Variants in HMCN1 observed in about 807,000 individuals in gnomAD.
HMCN1 encodes the protein hemicentin-1.
Under a neutral mutation model 625.9 loss-of-function variants are expected in HMCN1, and 321 were observed. The ratio of observed to expected loss-of-function variants is 0.51; its 90% CI spans 0.47 to 0.56. The LOEUF (loss-of-function observed/expected upper bound fraction) is 0.56, where lower values mean the gene tolerates loss of function less well. Ranked by LOEUF, HMCN1 falls within the 20% of genes least tolerant of loss-of-function variation. The probability of loss-of-function intolerance (pLI) is 0.00; values close to 1 mark genes in which losing one functional copy is unlikely to be tolerated. For synonymous variants in HMCN1, 2,425 were observed against 2,417.6 expected (o/e 1.00, Z -0.09); for missense variants, 6,588 against 6,887.3 (o/e 0.96, Z 1.54).
At chr1:186,048,462 C>A (rs1656723886) in intron 41 of HMCN1, among the ~76,000 whole-genome samples, 1 of 151,962 alleles carries the variant, frequency 6.6e-6, no homozygotes, top group South Asian at 2.1e-4. Context: ...AGAAATTGTA[C>A]CTTTTCGTTT....
intron 1 of HMCN1, among the ~76,000 whole-genome samples, chr1:185,743,737 T>C (rs923265579): frequency 5.9e-5 from 9 of 152,178 alleles, no homozygotes; most frequent in Non-Finnish European, 8.8e-5. Flanking sequence ...ATGTCAACTA[T>C]CAGATGTGAT....
intron 4 of HMCN1, among the ~76,000 whole-genome samples, chr1:185,887,615 T>C (rs1664753996): frequency 6.7e-6 from 1 of 149,732 alleles, no homozygotes; most frequent in Admixed American, 6.6e-5. Context: ...ATTTCATCCA[T>C]GTCCCTACAA....
chr1:186,056,591 G>A (rs140491523), intron 45 of HMCN1, among the ~76,000 whole-genome samples: 106 of 152,042 alleles, frequency 7.0e-4, no homozygotes, highest in South Asian at 1.7e-3. Flanking sequence ...CATGTCCTTT[G>A]CAGCAACATG....
intron 4 of HMCN1, among the ~76,000 whole-genome samples, chr1:185,867,882 A>G (rs972449799): frequency 1.3e-5 from 2 of 152,122 alleles, no homozygotes; most frequent in Admixed American, 1.3e-4. Flanking sequence ...CAGCCTGGCC[A>G]ACATGGTGAA....
At chr1:185,946,464 A>G (rs969333025) in intron 11 of HMCN1, among the ~76,000 whole-genome samples, 1 of 152,202 alleles carries the variant, frequency 6.6e-6, no homozygotes, top group South Asian at 2.1e-4. Flanking sequence ...GGTGCTAATT[A>G]TGATTTGCCA....
At chr1:186,119,449 C>G in intron 78 of HMCN1, 151 bp downstream of exon 78, 1 of 730,498 alleles carries the variant, frequency 1.4e-6, no homozygotes. Context: ...TTTTAATAGG[C>G]TAAAAAAGGC....
chr1:186,010,655 A>G (rs1384272150), intron 30 of HMCN1, among the ~76,000 whole-genome samples: 1 of 152,236 alleles, frequency 6.6e-6, no homozygotes, highest in Non-Finnish European at 1.5e-5. Context: ...GATATAAATA[A>G]TCTCAATCAA....
At chr1:185,875,920 TA>T (rs1364381295) in intron 4 of HMCN1, among the ~76,000 whole-genome samples, 1 of 152,096 alleles carries the variant, frequency 6.6e-6, no homozygotes, top group African/African-American at 2.4e-5. Flanking sequence ...TATCCTACTT[TA>T]TTTTTTAATT....
In HMCN1 at chr1:185,738,209, G is replaced by A. The variant is rs142844357; in HGVS notation, c.268+3162G>A. On this transcript the variant is annotated intron_variant, in intron 1 of 106. Coordinates refer to ENST00000271588, the MANE Select transcript of HMCN1 (RefSeq NM_031935.3). ...AAAGTGTACAATTTGATGCTTTTCA[G>A]TATATTCACAGATAGGTGCAAATGT... Among the ~76,000 whole-genome samples the A allele has an allele frequency of 6.6e-3, 1,011 of 152,248 alleles. 8 individuals carry two copies. The highest frequency in any genetic ancestry group is 0.027 in the Middle Eastern group (8 of 294).
chr1:185,904,541 A>T (rs1665989137), intron 4 of HMCN1, among the ~76,000 whole-genome samples: 1 of 151,820 alleles, frequency 6.6e-6, no homozygotes, highest in South Asian at 2.1e-4. Context: ...TTTGTTTTTC[A>T]CTAGATATTA....
chr1:185,810,206 T>C (rs1029796448), intron 1 of HMCN1, among the ~76,000 whole-genome samples: 10 of 152,154 alleles, frequency 6.6e-5, no homozygotes, highest in Non-Finnish European at 1.0e-4. Context: ...GTCTCTTTCA[T>C]CTGTCATTTT....
At chr1:185,794,339 T>G (rs1265430877) in intron 1 of HMCN1, among the ~76,000 whole-genome samples, 1 of 140,464 alleles carries the variant, frequency 7.1e-6, no homozygotes, top group Non-Finnish European at 1.5e-5. Flanking sequence ...ACTAAGAGGA[T>G]AGATTATATA....
intron 2 of HMCN1, among the ~76,000 whole-genome samples, chr1:185,859,046 TG>T: frequency 6.7e-6 from 1 of 150,366 alleles, no homozygotes; most frequent in Admixed American, 6.6e-5. Context: ...TGTGTGTGTG[TG>T]TGTGTGTGTG....
At chr1:185,773,890 T>G (rs1656418038) in intron 1 of HMCN1, among the ~76,000 whole-genome samples, 1 of 152,084 alleles carries the variant, frequency 6.6e-6, no homozygotes, top group Non-Finnish European at 1.5e-5. Context: ...AATCAGAGCT[T>G]GGAGAGCAAG....
intron 1 of HMCN1, among the ~76,000 whole-genome samples, chr1:185,757,916 C>G (rs1290464325): frequency 6.6e-6 from 1 of 152,132 alleles, no homozygotes; most frequent in Non-Finnish European, 1.5e-5. Context: ...CATAGATACT[C>G]TTATATATCC....
intron 1 of HMCN1, among the ~76,000 whole-genome samples, chr1:185,745,115 G>C (rs201236285): frequency 6.6e-6 from 1 of 152,194 alleles, no homozygotes; most frequent in East Asian, 1.9e-4. Context: ...GAAGAGAAAA[G>C]ATATGCAAAG....
At chr1:185,987,411 A>C (rs754676745) in intron 19 of HMCN1, 21 bp from the exon 20 acceptor site, 2 of 1,508,020 alleles carry the variant, frequency 1.3e-6, no homozygotes, top group Admixed American at 1.7e-5. Flanking sequence ...CTCAGATTCC[A>C]AATCCTACTT....
Position 185,923,370 on chromosome 1 carries a change from A to G in HMCN1, c.1022-20A>G, listed in dbSNP as rs1413536473. 3.8e-6 allele frequency: 6 copies of G among 1,589,610 alleles called. No individual in the cohort carries two copies. The African/African-American group carries it at 4.0e-5, about 11-fold the overall frequency. On this transcript the variant is annotated intron_variant, in intron 7 of 106. Transcript: ENST00000271588. ...AATTGCTTGTTTCTTGTAAATGATA[A>G]CAAAATCTTTCTCTTGTAGGAATAC...
chr1:185,799,795 G>C (rs776945069), intron 1 of HMCN1, among the ~76,000 whole-genome samples: 2 of 152,174 alleles, frequency 1.3e-5, no homozygotes, highest in African/African-American at 4.8e-5. Flanking sequence ...AAGAGAGACA[G>C]CTGTGGTAGT....
Sources: gnomAD v4.1 joint callset for allele counts (sites outside exome capture counted in the v4.1 genomes callset) on GRCh38, gnomAD v4.1.1 for gene constraint, MANE v1.5 for transcripts, NCBI Gene and HGNC (gene_info 2026-07-23, HGNC 2026-07-21) for gene names.